ARL15: variants seen among roughly 807,000 people sequenced by gnomAD.
ARL15 encodes ADP-ribosylation factor-like protein 15.
A neutral mutation model predicts 25.2 loss-of-function variants in ARL15; 19 were observed. The ratio of observed to expected loss-of-function variants is 0.75; its 90% CI spans 0.53 to 1.10. The LOEUF is 1.10. Ranked by LOEUF, ARL15 falls within the 50% of genes least tolerant of loss-of-function variation. ARL15 has a pLI of 0.00. For missense variants in ARL15, 220 were observed against 246.0 expected (o/e 0.89, Z 0.71); for synonymous variants, 94 against 86.8 (o/e 1.08, Z -0.46).
At chr5:54,225,800 G>A (rs1756502508) in intron 1 of ARL15, among the ~76,000 whole-genome samples, 1 of 151,984 alleles carries the variant, frequency 6.6e-6, no homozygotes, top group South Asian at 2.1e-4. Context: ...GAAGTAGGCT[G>A]GAAATACAGA....
Position 54,143,261 on chromosome 5 carries a change from T to TTATA in ARL15, c.253+11315_253+11318dup, listed in dbSNP as rs767463020. Among the ~76,000 whole-genome samples the TTATA allele has an allele frequency of 5.9e-5, 9 of 152,222 alleles. No individual in the cohort carries two copies. In the East Asian group the frequency reaches 1.5e-3, roughly 26 times the overall value. On this transcript the variant is annotated intron_variant, in intron 3 of 4. Coordinates refer to ENST00000504924, the MANE Select transcript of ARL15 (RefSeq NM_019087.3). The stretch of plus-strand genomic sequence containing the variant: ...CTTTACATTTCTCTTAGTTTTAGCT[T>TTATA]TATATAGTTCAGGATTATGTAGTTA...
intron 4 of ARL15, among the ~76,000 whole-genome samples, chr5:54,089,401 T>C (rs1411942297): frequency 1.3e-5 from 2 of 152,168 alleles, no homozygotes; most frequent in East Asian, 3.9e-4. Context: ...ACAACATTAA[T>C]AGTTACTATT....
rs79959966 is a variant in ARL15 at position 54,221,601 on chromosome 5, C to G, written c.49-49673G>C. Reference sequence around the variant, plus strand: ...ATACATACATCTGTACATGTACACACACATCCATTTTCAAACAAGCGCTAA... The same window carrying G: ...ATACATACATCTGTACATGTACACAGACATCCATTTTCAAACAAGCGCTAA... On this transcript the variant is annotated intron_variant, in intron 1 of 4. Coordinates refer to ENST00000504924, the MANE Select transcript of ARL15 (RefSeq NM_019087.3). Among the ~76,000 whole-genome samples, 861 of 151,910 alleles carry G rather than the reference C, an allele frequency of 5.7e-3. 8 individuals are homozygous for G. The highest frequency in any genetic ancestry group is 0.019 in the African/African-American group (775 of 41,426).
intron 2 of ARL15, among the ~76,000 whole-genome samples, chr5:54,165,755 A>AG (rs1561249813): frequency 1.3e-4 from 16 of 122,464 alleles, no homozygotes; most frequent in African/African-American, 4.9e-4. Context: ...TATATATATA[A>AG]ATAGAGACAG....
chr5:54,185,271 T>C (rs1283672334), intron 1 of ARL15, among the ~76,000 whole-genome samples: 1 of 152,156 alleles, frequency 6.6e-6, no homozygotes, highest in Non-Finnish European at 1.5e-5. Flanking sequence ...CTACACATCC[T>C]TCCTCACTAT....
chr5:53,887,258 G>A (rs1433196067), intron 4 of ARL15: 15 of 619,836 alleles, frequency 2.4e-5, no homozygotes, highest in South Asian at 7.4e-5. Flanking sequence ...ACATGAGAGC[G>A]TGTTTTCTAG....
At chr5:53,976,580 G>A (rs1046866324) in intron 4 of ARL15, among the ~76,000 whole-genome samples, 1 of 152,222 alleles carries the variant, frequency 6.6e-6, no homozygotes, top group East Asian at 1.9e-4. Flanking sequence ...CTGGCAAGCA[G>A]CCCCAAACCG....
intron 3 of ARL15, among the ~76,000 whole-genome samples, chr5:54,125,230 C>T (rs571591282): frequency 2.6e-5 from 4 of 152,086 alleles, no homozygotes; most frequent in South Asian, 4.2e-4. Context: ...GACGGGGTTT[C>T]GCCATGTTGG....
intron 4 of ARL15, among the ~76,000 whole-genome samples, chr5:54,058,498 G>A (rs1372819327): frequency 2.6e-5 from 4 of 152,214 alleles, no homozygotes; most frequent in Non-Finnish European, 5.9e-5. Context: ...CTCATGCAGT[G>A]TGATAAACAG....
At position 54,213,321 on chromosome 5, in the gene ARL15, T is replaced by C. The variant is rs202230066; in HGVS notation, c.49-41393A>G. The stretch of plus-strand genomic sequence containing the variant: ...CTTAAAATAGTTCTCAAGTCCAAAA[T>C]GGTAACTGTTCTAGCTAGACGACTA... On this transcript the variant is annotated intron_variant, in intron 1 of 4. Transcript: ENST00000504924. Among the ~76,000 whole-genome samples, 7 of 152,270 alleles carry C rather than the reference T, an allele frequency of 4.6e-5. No individual in the cohort carries two copies. In the East Asian group the frequency reaches 9.6e-4, roughly 21 times the overall value.
intron 4 of ARL15, among the ~76,000 whole-genome samples, chr5:54,101,311 AG>A (rs1207303064): frequency 6.6e-6 from 1 of 152,138 alleles, no homozygotes; most frequent in Non-Finnish European, 1.5e-5. Flanking sequence ...GACTAACTAG[AG>A]TATAAATAAA....
intron 4 of ARL15, among the ~76,000 whole-genome samples, chr5:54,057,861 T>A (rs1189436674): frequency 6.6e-6 from 1 of 152,032 alleles, no homozygotes; most frequent in Non-Finnish European, 1.5e-5. Context: ...CCCTGCCTAA[T>A]GAATAAAGTA....
chr5:54,173,642 A>G (rs1458780037), intron 1 of ARL15, among the ~76,000 whole-genome samples: 1 of 152,130 alleles, frequency 6.6e-6, no homozygotes. Context: ...CCTGAACAAC[A>G]TCAATATCCT....
At chr5:54,042,478 C>T (rs11954708) in intron 4 of ARL15, among the ~76,000 whole-genome samples, 2,200 of 152,236 alleles carry the variant, frequency 0.014, 27 homozygotes, top group Middle Eastern at 0.027. Context: ...AATTACAGGT[C>T]GTGGAGTCTG....
chr5:53,996,479 C>T (rs140518733), intron 4 of ARL15, among the ~76,000 whole-genome samples: 7,470 of 152,140 alleles, frequency 0.049, 235 homozygotes, highest in Middle Eastern at 0.088. Flanking sequence ...ATTAGCTGGG[C>T]ACGGTGGTGC....
At chr5:54,280,154 A>G (rs1758019657) in intron 1 of ARL15, among the ~76,000 whole-genome samples, 1 of 151,164 alleles carries the variant, frequency 6.6e-6, no homozygotes, top group Non-Finnish European at 1.5e-5. Context: ...CTTCCTTCCC[A>G]CTCTTCCTTC....
chr5:54,233,954 T>C (rs1189985473), intron 1 of ARL15, among the ~76,000 whole-genome samples: 2 of 152,114 alleles, frequency 1.3e-5, no homozygotes, highest in Non-Finnish European at 2.9e-5. Context: ...TTGGAAAATA[T>C]AGTTCTTTTT....
At chr5:54,246,372 T>C (rs971633662) in intron 1 of ARL15, among the ~76,000 whole-genome samples, 3 of 152,168 alleles carry the variant, frequency 2.0e-5, no homozygotes, top group Non-Finnish European at 2.9e-5. Flanking sequence ...GCTCTTGCTC[T>C]GTAGCCCCGA....
At chr5:54,230,358 A>AAAAG (rs1304883492) in intron 1 of ARL15, among the ~76,000 whole-genome samples, 13 of 151,004 alleles carry the variant, frequency 8.6e-5, no homozygotes, top group African/African-American at 2.9e-4. Flanking sequence ...AAAAAAAAAA[A>AAAAG]AAAAGAAAAG....
Sources: allele counts gnomAD v4.1 joint callset (sites outside exome capture counted in the v4.1 genomes callset), GRCh38; gene constraint gnomAD v4.1.1; transcripts MANE v1.5; gene names NCBI Gene and HGNC (gene_info 2026-07-23, HGNC 2026-07-21).